Variants in ZSCAN5A observed in about 807,000 individuals in gnomAD.
ZSCAN5A encodes the protein zinc finger and SCAN domain-containing protein 5A.
A neutral mutation model predicts 23.7 loss-of-function variants in ZSCAN5A; 12 were observed. That is an observed-to-expected ratio of 0.51 (90% CI 0.32 to 0.82). The LOEUF is 0.82. Among genes scored for constraint, ZSCAN5A ranks in the 40% least tolerant of loss-of-function variants. ZSCAN5A has a pLI of 0.03. For missense variants in ZSCAN5A, 597 were observed against 617.9 expected, an observed-to-expected ratio of 0.97 and a Z score of 0.36; for synonymous variants, 257 against 239.9, an observed-to-expected ratio of 1.07 and a Z score of -0.66.
intron 2 of ZSCAN5A, among the ~76,000 whole-genome samples, chr19:56,260,062 C>A (rs919987047): frequency 2.0e-5 from 3 of 152,158 alleles, no homozygotes; most frequent in Non-Finnish European, 2.9e-5. Flanking sequence ...GAAACAATAT[C>A]GGCAAGGAGA....
chr19:56,303,195 C>T (rs1600239077), intron 2 of ZSCAN5A, among the ~76,000 whole-genome samples: 1 of 152,068 alleles, frequency 6.6e-6, no homozygotes, highest in African/African-American at 2.4e-5. Context: ...AAACTACAAG[C>T]CAGGCCGGGC....
chr19:56,323,861 C>T (rs1447075118), intron 2 of ZSCAN5A, among the ~76,000 whole-genome samples: 2 of 151,000 alleles, frequency 1.3e-5, no homozygotes, highest in African/African-American at 4.9e-5. Context: ...TTTATAGATA[C>T]ATAATAGTTA....
At chr19:56,321,865 T>C (rs2041379308) in intron 2 of ZSCAN5A, 8 of 827,124 alleles carry the variant, frequency 9.7e-6, no homozygotes, top group South Asian at 9.3e-5. Context: ...GGGGAGAAAT[T>C]TCTGGCAGGT....
intron 2 of ZSCAN5A, among the ~76,000 whole-genome samples, chr19:56,277,035 G>A (rs1388740146): frequency 6.6e-6 from 1 of 152,146 alleles, no homozygotes; most frequent in Admixed American, 6.5e-5. Context: ...AAGCCACAGT[G>A]AGGTATCACT....
intron 2 of ZSCAN5A, among the ~76,000 whole-genome samples, chr19:56,295,645 C>T (rs552139227): frequency 1.3e-5 from 2 of 152,044 alleles, no homozygotes; most frequent in African/African-American, 2.4e-5. Context: ...ATGGGAATGG[C>T]GTGGCGGCTT....
chr19:56,341,446 A>C (rs528136149), intron 2 of ZSCAN5A, among the ~76,000 whole-genome samples: 1 of 152,132 alleles, frequency 6.6e-6, no homozygotes, highest in Non-Finnish European at 1.5e-5. Context: ...AGCAACCCCA[A>C]GACAAATAAT....
At chr19:56,290,824 T>C (rs2039461757) in intron 2 of ZSCAN5A, among the ~76,000 whole-genome samples, 1 of 152,254 alleles carries the variant, frequency 6.6e-6, no homozygotes, top group Non-Finnish European at 1.5e-5. Context: ...GAATGCTGGT[T>C]CTGCTACTTC....
chr19:56,246,048 G>A (rs376347311), intron 2 of ZSCAN5A, among the ~76,000 whole-genome samples: 2 of 152,114 alleles, frequency 1.3e-5, no homozygotes, highest in African/African-American at 4.8e-5. Context: ...TTGGCACAGC[G>A]GGGAGAAATA....
intron 2 of ZSCAN5A, among the ~76,000 whole-genome samples, chr19:56,235,154 C>T (rs576767783): frequency 1.5e-5 from 1 of 64,590 alleles, no homozygotes; most frequent in South Asian, 5.8e-4. Flanking sequence ...GCCTCCACTC[C>T]AGCCTCTGAT....
intron 4 of ZSCAN5A, among the ~76,000 whole-genome samples, chr19:56,223,118 G>A (rs1248721258): frequency 6.6e-6 from 1 of 152,062 alleles, no homozygotes; most frequent in African/African-American, 2.4e-5. Flanking sequence ...TGCTGGAGGG[G>A]GCGCTCCTGT....
Position 56,222,313 on chromosome 19 carries a change from T to C in ZSCAN5A, c.753A>G (p.Arg251=). ...QLPKSPTDLV[R]AKEGKDPPKI... ...TTGGGGGGTCCTTCCCCTCCTTTGC[T>C]CTCACCAGATCTGCTGGAAGAAGGG... Residue 251 remains arginine, a synonymous_variant, in exon 6 of 6, where the codon AGA becomes AGG. Coordinates refer to ENST00000683990, the MANE Select transcript of ZSCAN5A (RefSeq NM_001322064.3). The C allele has an allele frequency of 6.2e-7, 1 of 1,611,216 alleles. No homozygotes were observed. Among genetic ancestry groups the C allele is most frequent in the Non-Finnish European group, 8.5e-7 (1 of 1,179,652 alleles).
intron 1 of ZSCAN5A, chr19:56,367,308 G>C (rs975507921): frequency 1.3e-5 from 2 of 152,222 alleles, no homozygotes; most frequent in South Asian, 4.1e-4. Flanking sequence ...GCTGCAGTGA[G>C]CTATGATGGT....
intron 2 of ZSCAN5A, among the ~76,000 whole-genome samples, chr19:56,325,139 C>A (rs143763174): frequency 5.9e-5 from 9 of 152,358 alleles, no homozygotes; most frequent in African/African-American, 1.7e-4. Flanking sequence ...AGATGTATAT[C>A]TTTTCCCTTC....
chr19:56,326,229 G>A (rs2041432555), intron 2 of ZSCAN5A, among the ~76,000 whole-genome samples: 1 of 151,874 alleles, frequency 6.6e-6, no homozygotes, highest in African/African-American at 2.4e-5. Flanking sequence ...GAGCCACCAC[G>A]CCTGGCCTGA....
intron 2 of ZSCAN5A, among the ~76,000 whole-genome samples, chr19:56,232,745 C>T (rs1173399853): frequency 6.6e-6 from 1 of 152,118 alleles, no homozygotes; most frequent in East Asian, 1.9e-4. Flanking sequence ...GTTGCACAAT[C>T]ATAGCTCACT....
chr19:56,227,289 T>C (rs1016322188), intron 2 of ZSCAN5A, among the ~76,000 whole-genome samples: 6 of 152,238 alleles, frequency 3.9e-5, no homozygotes, highest in Non-Finnish European at 8.8e-5. Flanking sequence ...GCCATAAATA[T>C]ATACAATTTT....
rs1041774559 is a variant in ZSCAN5A at position 56,356,560 on chromosome 19, G to T, written c.-358+6675C>A. Among the ~76,000 whole-genome samples, 30 of 147,888 alleles carry T rather than the reference G, an allele frequency of 2.0e-4. 3 individuals are homozygous for T. Among genetic ancestry groups the T allele is most frequent in the African/African-American group, 7.7e-4 (30 of 39,032 alleles). ...TTCTCTAACTTCTACTACGGGGTGGGGACGGGGGCGCTACCTTATAACTAA... is the reference window on the plus strand; with the variant it reads ...TTCTCTAACTTCTACTACGGGGTGGTGACGGGGGCGCTACCTTATAACTAA... On this transcript the variant is annotated intron_variant, in intron 2 of 6. Transcript: ENST00000587340.
At chr19:56,259,381 T>C (rs2036958222) in intron 2 of ZSCAN5A, among the ~76,000 whole-genome samples, 1 of 152,092 alleles carries the variant, frequency 6.6e-6, no homozygotes, top group Admixed American at 6.6e-5. Flanking sequence ...GTAATTCTGA[T>C]CTTACCCTCT....
chr19:56,268,456 C>G (rs1183928432), intron 2 of ZSCAN5A, among the ~76,000 whole-genome samples: 2 of 152,192 alleles, frequency 1.3e-5, no homozygotes, highest in Admixed American at 6.5e-5. Context: ...GCTGCTGCTG[C>G]TGGTTTAATT....
Sources: allele counts gnomAD v4.1 joint callset (sites outside exome capture counted in the v4.1 genomes callset), GRCh38; gene constraint gnomAD v4.1.1; transcripts MANE v1.5; gene names NCBI Gene and HGNC (gene_info 2026-07-23, HGNC 2026-07-21).